MAGI1: variants seen among roughly 807,000 people sequenced by gnomAD.
MAGI1 encodes the protein membrane-associated guanylate kinase, WW and PDZ domain-containing protein 1.
A neutral mutation model predicts 139.9 loss-of-function variants in MAGI1; 58 were observed. The observed-to-expected ratio is 0.41, with a 90% confidence interval of 0.34 to 0.52. The LOEUF is 0.52. Among genes scored for constraint, MAGI1 ranks in the 20% least tolerant of loss-of-function variants. The pLI is 0.12. For missense variants in MAGI1, 1,874 were observed against 1,901.6 expected, an observed-to-expected ratio of 0.99 and a Z score of 0.27; for synonymous variants, 812 against 737.9, an observed-to-expected ratio of 1.10 and a Z score of -1.63.
chr3:65,948,866 A>G (rs1232695143), intron 1 of MAGI1, among the ~76,000 whole-genome samples: 1 of 152,204 alleles, frequency 6.6e-6, no homozygotes, highest in East Asian at 1.9e-4. Context: ...TGCTGCAGAT[A>G]CCTATCCATG....
At chr3:65,657,765 A>G (rs1398403906) in intron 1 of MAGI1, among the ~76,000 whole-genome samples, 2 of 152,190 alleles carry the variant, frequency 1.3e-5, no homozygotes, top group East Asian at 1.9e-4. Flanking sequence ...GCCAAGTCCA[A>G]TAAAAATCAA....
At chr3:65,464,254 A>C (rs1295599031) in intron 5 of MAGI1, among the ~76,000 whole-genome samples, 2 of 151,388 alleles carry the variant, frequency 1.3e-5, no homozygotes, top group African/African-American at 4.9e-5. Flanking sequence ...TTCTCCTCTT[A>C]CCTTTATTAT....
intron 1 of MAGI1, among the ~76,000 whole-genome samples, chr3:65,868,666 T>C (rs2059812960): frequency 6.6e-6 from 1 of 152,136 alleles, no homozygotes; most frequent in Non-Finnish European, 1.5e-5. Context: ...AATTATATGT[T>C]GGGAGCTAAC....
chr3:65,464,577 T>C (rs985388168), intron 5 of MAGI1, among the ~76,000 whole-genome samples: 2 of 152,178 alleles, frequency 1.3e-5, no homozygotes, highest in African/African-American at 4.8e-5. Context: ...CTGACATTAA[T>C]ATGTCAACTC....
chr3:65,418,422 C>T (rs868241605), intron 12 of MAGI1, among the ~76,000 whole-genome samples: 2 of 152,066 alleles, frequency 1.3e-5, no homozygotes, highest in Non-Finnish European at 2.9e-5. Context: ...AATAGGAAAG[C>T]CTCAAATAAA....
intron 1 of MAGI1, among the ~76,000 whole-genome samples, chr3:65,870,993 T>C (rs996540297): frequency 6.6e-6 from 1 of 152,046 alleles, no homozygotes; most frequent in Non-Finnish European, 1.5e-5. Context: ...GGGCAGAGTG[T>C]AGTAGTGCGA....
chr3:65,469,542 T>C (rs1950419668), intron 5 of MAGI1, among the ~76,000 whole-genome samples: 1 of 152,068 alleles, frequency 6.6e-6, no homozygotes, highest in Admixed American at 6.6e-5. Context: ...TGAAAGACTT[T>C]CCTGTCTCTC....
intron 1 of MAGI1, among the ~76,000 whole-genome samples, chr3:65,965,184 T>C (rs947827404): frequency 1.2e-4 from 18 of 152,326 alleles, no homozygotes; most frequent in Non-Finnish European, 2.4e-4. Context: ...AGAGTATCCA[T>C]TGTCAATGGA....
intron 2 of MAGI1, among the ~76,000 whole-genome samples, chr3:65,519,185 ATTAC>A (rs2078035476): frequency 6.6e-6 from 1 of 152,106 alleles, no homozygotes; most frequent in Non-Finnish European, 1.5e-5. Flanking sequence ...GGTTTTTGCC[ATTAC>A]TTTCTTTATT....
chr3:66,034,149 ACCC>A (rs371276851), intron 1 of MAGI1, among the ~76,000 whole-genome samples: 1 of 137,864 alleles, frequency 7.3e-6, no homozygotes, highest in Admixed American at 7.3e-5. Flanking sequence ...TTGTTACCCC[ACCC>A]CCCAACCCCA....
At chr3:65,593,258 T>C (rs2082045504) in intron 2 of MAGI1, among the ~76,000 whole-genome samples, 1 of 152,180 alleles carries the variant, frequency 6.6e-6, no homozygotes, top group Non-Finnish European at 1.5e-5. Context: ...ATGAGAAAAT[T>C]ATAGCACTTA....
chr3:65,578,991 C>T (rs1185863568), intron 2 of MAGI1, among the ~76,000 whole-genome samples: 1 of 151,760 alleles, frequency 6.6e-6, no homozygotes, highest in Non-Finnish European at 1.5e-5. Context: ...TGCAAGCTCT[C>T]CTAAAGCGAT....
At chr3:66,024,968 T>TG (rs565837490) in intron 1 of MAGI1, among the ~76,000 whole-genome samples, 72 of 152,230 alleles carry the variant, frequency 4.7e-4, no homozygotes, top group South Asian at 4.4e-3. Flanking sequence ...ATATATTCTC[T>TG]GGGGGGGTAA....
At chr3:65,533,081 A>G (rs2078795048) in intron 2 of MAGI1, among the ~76,000 whole-genome samples, 1 of 152,142 alleles carries the variant, frequency 6.6e-6, no homozygotes, top group Non-Finnish European at 1.5e-5. Context: ...AGCCCCGCAC[A>G]CTTAGAACAG....
At chr3:65,377,355 C>T (rs564583321) in intron 17 of MAGI1, among the ~76,000 whole-genome samples, 10 of 152,312 alleles carry the variant, frequency 6.6e-5, no homozygotes, top group South Asian at 2.1e-4. Flanking sequence ...ACAAAGGTAT[C>T]GAACAGCAGG....
At chr3:65,707,166 C>T (rs2030461748) in intron 1 of MAGI1, among the ~76,000 whole-genome samples, 2 of 152,182 alleles carry the variant, frequency 1.3e-5, no homozygotes, top group South Asian at 4.1e-4. Flanking sequence ...ATGTAGGCAA[C>T]TTTCCTTCAG....
At chr3:66,004,779 G>C (rs1402471817) in intron 1 of MAGI1, among the ~76,000 whole-genome samples, 2 of 152,208 alleles carry the variant, frequency 1.3e-5, no homozygotes, top group East Asian at 1.9e-4. Context: ...TGAGTCTCAG[G>C]CATCTTCGAC....
At chr3:65,365,881 A>G (rs1559896128) in intron 18 of MAGI1, among the ~76,000 whole-genome samples, 1 of 152,188 alleles carries the variant, frequency 6.6e-6, no homozygotes. Context: ...TGAGATACCT[A>G]TAATATATAT....
At chr3:65,669,424 A>G (rs534136349) in intron 1 of MAGI1, among the ~76,000 whole-genome samples, 28 of 152,262 alleles carry the variant, frequency 1.8e-4, no homozygotes, top group African/African-American at 6.0e-4. Context: ...TTTCTGTTAA[A>G]GCTTTGATTA....
Sources: gnomAD v4.1 joint callset for allele counts (sites outside exome capture counted in the v4.1 genomes callset) on GRCh38, gnomAD v4.1.1 for gene constraint, MANE v1.5 for transcripts, NCBI Gene and HGNC (gene_info 2026-07-23, HGNC 2026-07-21) for gene names.